SYT3: variants seen among roughly 807,000 people sequenced by gnomAD.
SYT3 encodes the protein synaptotagmin 3, also known as synaptotagmin-3.
SYT3 carries 25 observed loss-of-function variants against 50.6 expected under a neutral mutation model. That is an observed-to-expected ratio of 0.49 (90% confidence interval 0.36 to 0.69). The LOEUF (loss-of-function observed/expected upper bound fraction) is 0.69. Ranked by LOEUF, SYT3 falls within the 30% of genes least tolerant of loss-of-function variation. The probability of loss-of-function intolerance (pLI) is 0.00; values close to 1 mark genes in which losing one functional copy is unlikely to be tolerated. For missense variants in SYT3, 589 were observed against 793.6 expected (o/e 0.74, Z 3.10); for synonymous variants, 323 against 353.9 (o/e 0.91, Z 0.98).
intron 6 of SYT3, 142 bp downstream of exon 6, chr19:50,629,152 G>T: frequency 1.4e-6 from 1 of 706,478 alleles, no homozygotes; most frequent in Non-Finnish European, 2.3e-6. Flanking sequence ...TAAGTTTGCA[G>T]TCTTCCCCAG....
the SYT3 span, among the ~76,000 whole-genome samples, chr19:50,650,068 T>G: frequency 6.6e-6 from 1 of 152,080 alleles, no homozygotes; most frequent in Non-Finnish European, 1.5e-5. Context: ...TCCTCCCTGG[T>G]CCCCAGTTTC....
Position 50,624,832 on chromosome 19 carries a change from G to A in SYT3, c.1707+330C>T, listed in dbSNP as rs368751341. On this transcript the variant is annotated intron_variant, in intron 9 of 10. Transcript: ENST00000600079. ...CTCCCAAAGTGCTGGGATTACAGGCGTGAGCCACCACGCCCAGCCCCCTCT... is the reference window on the plus strand; with the variant it reads ...CTCCCAAAGTGCTGGGATTACAGGCATGAGCCACCACGCCCAGCCCCCTCT... 5.3e-4 allele frequency: 119 copies of A among 224,680 alleles called. No homozygotes were observed. The South Asian group carries it at 0.02, about 39-fold the overall frequency. The allele number at this position is 224,680 out of a possible 1,614,324, so 13.9% of individuals were successfully genotyped here. A position where few individuals can be genotyped will look rare whatever the true frequency, so the allele number is the denominator to read the frequency against.
upstream of SYT3, among the ~76,000 whole-genome samples, chr19:50,642,060 CCCCCAGAAATGCCT>C (rs1354200783): frequency 2.0e-5 from 3 of 152,198 alleles, no homozygotes; most frequent in Non-Finnish European, 4.4e-5. Context: ...TACCACAGAA[CCCCCAGAAATGCCT>C]CCCAGGTTTG....
chr19:50,622,524 A>T (rs1983887751), intron 10 of SYT3, 43 bp from the exon 11 acceptor site: 3 of 617,334 alleles, frequency 4.9e-6, no homozygotes, highest in Non-Finnish European at 8.9e-6. Flanking sequence ...AATGGCAGAG[A>T]ACTGCACCAC....
In SYT3 at chr19:50,629,309, G is replaced by A. The variant is rs780078886; in HGVS notation, c.1266C>T (p.Ile422=). The A allele has an allele frequency of 4.4e-5, 70 of 1,605,236 alleles. No homozygotes were observed. The highest frequency in any genetic ancestry group is 6.7e-5 in the Admixed American group (4 of 59,470). Residue 422 remains isoleucine, a synonymous_variant, in exon 6 of 11, where the codon ATC becomes ATT. Transcript: ENST00000600079. ...QPPDRPLWRD[I]VEGGSEKADL... Reference sequence around the variant, plus strand: ...GGCCACTGACCGAGCCGCCCTCCACGATGTCCCTCCAGAGCGGGCGGTCAG... The same window carrying A: ...GGCCACTGACCGAGCCGCCCTCCACAATGTCCCTCCAGAGCGGGCGGTCAG...
chr19:50,632,357 C>T lies in SYT3; in HGVS notation c.603G>A (p.Leu201=). 6.2e-7 allele frequency: 1 copy of T among 1,609,442 alleles called. No homozygotes were observed. The highest frequency in any genetic ancestry group is 8.5e-7 in the Non-Finnish European group (1 of 1,176,410). The part of the protein sequence containing the change: ...EGGAGSGLLL[L]PPSGGGLPSA... Reference sequence around the variant, plus strand: ...TGGGCAAGCCCCCACCACTGGGGGGCAGCAGGAGCAACCCAGAGCCTGCTC... The same window carrying T: ...TGGGCAAGCCCCCACCACTGGGGGGTAGCAGGAGCAACCCAGAGCCTGCTC... The change falls in exon 4 of 11, where the codon CTG becomes CTA. Residue 201 remains leucine, a synonymous_variant. Transcript: ENST00000600079. The surrounding 1 kb of genome is among the most constrained non-coding windows in gnomAD (Gnocchi z 4.7).
rs570605777 is a variant in SYT3, at chr19:50,625,828, T to C, written c.1402+69A>G. ...CCTCAGACCCAGGAGTCCAGGCCCC[T>C]GGCCCCTCCTCCCTCAGACCCAGGA... On this transcript the variant is annotated intron_variant, in intron 7 of 10. Coordinates refer to ENST00000600079, the MANE Select transcript of SYT3 (RefSeq NM_001160329.2). This position sits in a 1 kb window ranked among gnomAD's most constrained non-coding sequence, Gnocchi z 7.5. 2 of 1,086,418 alleles carry C rather than the reference T, an allele frequency of 1.8e-6. No individual in the cohort carries two copies. Among genetic ancestry groups the C allele is most frequent in the African/African-American group, 1.9e-5 (1 of 52,650 alleles). The allele number at this position is 1,086,418 out of a possible 1,614,324, so 67.3% of individuals were successfully genotyped here.
Position 50,632,822 on chromosome 19 carries a change from C to G in SYT3, c.149-11G>C. On this transcript the variant is annotated splice_polypyrimidine_tract_variant and intron_variant, in intron 3 of 10. Coordinates refer to ENST00000600079, the MANE Select transcript of SYT3 (RefSeq NM_001160329.2). This position sits in a 1 kb window ranked among gnomAD's most constrained non-coding sequence, Gnocchi z 4.7. ...GGCTCACGGAGATGTCTGGAGAGAA[C>G]GAGGACAGAGGTAGGGGTCAGGATG... 6.7e-7 allele frequency: 1 copy of G among 1,495,260 alleles called. No individual in the cohort carries two copies. 92.6% of individuals were successfully genotyped at this position (1,495,260 alleles called of 1,614,324 possible). A position where few individuals can be genotyped will look rare whatever the true frequency, so the allele number is the denominator to read the frequency against.
Position 50,632,606 on chromosome 19 carries a change from C to A in SYT3, c.354G>T (p.Ala118=), listed in dbSNP as rs776841943. The A allele has an allele frequency of 3.8e-6, 6 of 1,577,530 alleles. No homozygotes were observed. The African/African-American group carries it at 8.1e-5, about 21-fold the overall frequency. Residue 118 remains alanine, a synonymous_variant, in exon 4 of 11, where the codon GCG becomes GCT. Transcript: ENST00000600079. The surrounding 1 kb of genome is among the most constrained non-coding windows in gnomAD (Gnocchi z 4.7). ...GCAGAGGATGGCCACCCAGGCCAGC[C>A]GCCAGGTGGTGCCCGCCTCCGCCTA... ...GLVGGGGHHL[A]AGLGGHPLLG...
In SYT3 at chr19:50,625,785, G is replaced by T; in HGVS notation, c.1402+112C>A. ...CTCCTCCCTCAGACCCAGGAGTCCA[G>T]ATCCCCAGCTCCTCCTCCCTCAGAC... On this transcript the variant is annotated intron_variant, in intron 7 of 10. Transcript: ENST00000600079. This position sits in a 1 kb window ranked among gnomAD's most constrained non-coding sequence, Gnocchi z 7.5. 1.8e-6 allele frequency: 1 copy of T among 550,216 alleles called. No homozygotes were observed. The highest frequency in any genetic ancestry group is 1.9e-5 in the South Asian group (1 of 53,144). The allele number at this position is 550,216 out of a possible 1,614,324, so 34.1% of individuals were successfully genotyped here.
At chr19:50,647,823 C>G in the SYT3 span, among the ~76,000 whole-genome samples, 1 of 152,066 alleles carries the variant, frequency 6.6e-6, no homozygotes, top group Non-Finnish European at 1.5e-5. Flanking sequence ...TCAGGTGTGC[C>G]TGTGGTCAAG....
rs1194584617 is a variant in SYT3, at chr19:50,637,279, G to A, written c.133C>T (p.Arg45Trp). The change falls in exon 3 of 11, where the codon CGG becomes TGG. Residue 45 changes from arginine (R) to tryptophan (W), a missense_variant. Arg to Trp is a moderately radical substitution (Grantham distance 101, BLOSUM62 -3). Coordinates refer to ENST00000600079, the MANE Select transcript of SYT3 (RefSeq NM_001160329.2). This position sits in a 1 kb window ranked among gnomAD's most constrained non-coding sequence, Gnocchi z 4.9. ...EFNDRIRGYPRGPDADISVSL... is the reference protein window; with the variant it reads ...EFNDRIRGYPWGPDADISVSL... ...GGGTGCTGACCTGCATCTGGACCCCGGGGATAGCCTCGGATTCGGTCATTG... is the reference window on the plus strand; with the variant it reads ...GGGTGCTGACCTGCATCTGGACCCCAGGGATAGCCTCGGATTCGGTCATTG... The A allele has an allele frequency of 2.5e-6, 4 of 1,613,268 alleles. No homozygotes were observed. The highest frequency in any genetic ancestry group is 3.4e-6 in the Non-Finnish European group (4 of 1,179,794).
rs982847985 is a variant in SYT3, at chr19:50,639,542, T to G, written c.-154+248A>C. Among the ~76,000 whole-genome samples the G allele has an allele frequency of 6.6e-6, 1 of 151,114 alleles. No individual in the cohort carries two copies. The highest frequency in any genetic ancestry group is 2.4e-5 in the African/African-American group (1 of 41,020). On this transcript the variant is annotated intron_variant, in intron 1 of 10. Transcript: ENST00000600079. The surrounding 1 kb of genome is among the most constrained non-coding windows in gnomAD (Gnocchi z 4.6). ...CCCTAAGTCCTTAGGGGCCACGGAA[T>G]GAGGAAACGATCCCCCCGCGCTGGG...
intron 9 of SYT3, among the ~76,000 whole-genome samples, chr19:50,624,065 A>G (rs925595029): frequency 6.6e-6 from 1 of 151,614 alleles, no homozygotes; most frequent in South Asian, 2.1e-4. Context: ...TGGGCTCAAG[A>G]GATCCTCCTG....
Position 50,625,446 on chromosome 19 carries a change from G to A in SYT3, c.1521C>T (p.Ala507=). Reference sequence around the variant, plus strand: ...GCCCCACGTTCTCCACGCTCTCGGGGGCCACGTCGAACACCAGCGCCTCAT... The same window carrying A: ...GCCCCACGTTCTCCACGCTCTCGGGAGCCACGTCGAACACCAGCGCCTCAT... ...TYNEALVFDV[A]PESVENVGLS... Residue 507 remains alanine, a synonymous_variant, in exon 8 of 11, where the codon GCC becomes GCT. Transcript: ENST00000600079. This position sits in a 1 kb window ranked among gnomAD's most constrained non-coding sequence, Gnocchi z 7.5. 1 of 1,582,918 alleles carries A rather than the reference G, an allele frequency of 6.3e-7. No homozygotes were observed. The highest frequency in any genetic ancestry group is 2.3e-5 in the East Asian group (1 of 43,458).
Position 50,625,014 on chromosome 19 carries a change from G to T in SYT3, c.1707+148C>A. ...AGAGCGCTTGGGTAACTGGCTCTAA[G>T]CCGCACAGCTAAAGTTGGCACAGCA... On this transcript the variant is annotated intron_variant, in intron 9 of 10. Coordinates refer to ENST00000600079, the MANE Select transcript of SYT3 (RefSeq NM_001160329.2). This position sits in a 1 kb window ranked among gnomAD's most constrained non-coding sequence, Gnocchi z 7.5. 2.4e-6 allele frequency: 2 copies of T among 842,056 alleles called. No individual in the cohort carries two copies. Among genetic ancestry groups the T allele is most frequent in the Non-Finnish European group, 3.3e-6 (2 of 608,770 alleles). The allele number at this position is 842,056 out of a possible 1,614,324, so 52.2% of individuals were successfully genotyped here. A position where few individuals can be genotyped will look rare whatever the true frequency, so the allele number is the denominator to read the frequency against.
chr19:50,629,168 T>C (rs1984182449), intron 6 of SYT3, 126 bp downstream of exon 6: 1 of 782,100 alleles, frequency 1.3e-6, no homozygotes, highest in East Asian at 2.7e-5. Context: ...CCCAGTGTGA[T>C]ACATTTTAAC....
In SYT3 at chr19:50,622,719, C is replaced by G. The variant is rs1226713144; in HGVS notation, c.1744G>C (p.Gly582Arg). The G allele has an allele frequency of 1.8e-6, 2 of 1,084,852 alleles. No homozygotes were observed. Among genetic ancestry groups the G allele is most frequent in the South Asian group, 2.5e-5 (2 of 79,892 alleles). The allele number at this position is 1,084,852 out of a possible 1,614,324, so 67.2% of individuals were successfully genotyped here. The change falls in exon 10 of 11, where the codon GGA becomes CGA. Residue 582 changes from glycine (G) to arginine (R), a missense_variant. Physicochemically the swap from Gly to Arg is moderately radical, Grantham distance 125. Coordinates refer to ENST00000600079, the MANE Select transcript of SYT3 (RefSeq NM_001160329.2). Reference sequence around the variant, plus strand: ...TCGGAGTTCTCTTTCTCTGATAGTCCTTTGCTGCCTTTTGTGAAGCTGGTC... The same window carrying G: ...TCGGAGTTCTCTTTCTCTGATAGTCGTTTGCTGCCTTTTGTGAAGCTGGTC... ...TVTSFTKGSK[G>R]LSEKENSE is the part of the protein sequence containing the mutation.
At chr19:50,656,063 G>A in the SYT3 span, 2 of 1,536,138 alleles carry the variant, frequency 1.3e-6, no homozygotes, top group Non-Finnish European at 1.7e-6. Flanking sequence ...CCCTCCTTAT[G>A]GACCTGGAGA....
Sources: allele counts gnomAD v4.1 joint callset (sites outside exome capture counted in the v4.1 genomes callset), GRCh38; gene constraint gnomAD v4.1.1; non-coding constraint Gnocchi (gnomAD v3.1); transcripts MANE v1.5; gene names NCBI Gene and HGNC (gene_info 2026-07-23, HGNC 2026-07-21).